The following CADM1 variants were observed in gnomAD, a reference collection of about 807,000 sequenced individuals.
CADM1 encodes the protein TSLC-1.
In CADM1, 15 loss-of-function variants were observed where a neutral mutation model predicts 53.1. That is an observed-to-expected ratio of 0.28 (90% CI 0.19 to 0.44). CADM1 has a LOEUF of 0.44. Ranked by LOEUF, CADM1 falls within the 20% of genes least tolerant of loss-of-function variation. The pLI is 1.00. For missense variants in CADM1, 434 were observed against 611.3 expected, an observed-to-expected ratio of 0.71 and a Z score of 3.06; for synonymous variants, 281 against 243.0, an observed-to-expected ratio of 1.16 and a Z score of -1.45.
At chr11:115,481,913 G>A (rs2135410971) in intron 1 of CADM1, among the ~76,000 whole-genome samples, 1 of 152,108 alleles carries the variant, frequency 6.6e-6, no homozygotes, top group East Asian at 1.9e-4. Flanking sequence ...GATTCGTCCT[G>A]CACCCTCCCG....
intron 1 of CADM1, among the ~76,000 whole-genome samples, chr11:115,300,982 G>A (rs893795170): frequency 4.0e-5 from 6 of 151,726 alleles, no homozygotes; most frequent in East Asian, 1.9e-4. Context: ...TGCCTCCACC[G>A]CCCCCCCACC....
At chr11:115,277,733 T>A (rs1020783273) in intron 1 of CADM1, among the ~76,000 whole-genome samples, 53 of 152,318 alleles carry the variant, frequency 3.5e-4, no homozygotes, top group African/African-American at 1.2e-3. Context: ...TGACTAGGCA[T>A]TTAGTATAGA....
At chr11:115,254,579 CACACACACACACACAG>C (rs1263727770) in intron 1 of CADM1, among the ~76,000 whole-genome samples, 2 of 149,398 alleles carry the variant, frequency 1.3e-5, no homozygotes, top group African/African-American at 2.5e-5. Context: ...CACACACACA[CACACACACACACACAG>C]AGACAACAAA....
chr11:115,400,160 A>C (rs991022483), intron 1 of CADM1, among the ~76,000 whole-genome samples: 2 of 152,186 alleles, frequency 1.3e-5, no homozygotes, highest in Non-Finnish European at 1.5e-5. Flanking sequence ...ATAAAAACTT[A>C]AACAAATTAA....
In CADM1 at chr11:115,173,681, T is replaced by A; in HGVS notation, c.*2793A>T. ...GAAGACAGATATTTTATAGTACTTC[T>A]TTTTTTTCTTTTTTTTTTTGTAAAA... On this transcript the variant is annotated 3_prime_UTR_variant, in exon 12 of 12. Coordinates refer to ENST00000331581, the MANE Select transcript of CADM1 (RefSeq NM_001301043.2). 2.0e-6 allele frequency: 1 copy of A among 504,220 alleles called. No individual in the cohort carries two copies. The highest frequency in any genetic ancestry group is 2.5e-6 in the Non-Finnish European group (1 of 405,416). The allele number at this position is 504,220 out of a possible 1,614,324, so 31.2% of individuals were successfully genotyped here.
At chr11:115,414,821 G>C (rs1392325404) in intron 1 of CADM1, among the ~76,000 whole-genome samples, 1 of 38,028 alleles carries the variant, frequency 2.6e-5, no homozygotes, top group African/African-American at 1.1e-4. Context: ...TAGTTTAAAT[G>C]TTGTTAAATA....
At chr11:115,247,913 C>T (rs1942458643) in intron 1 of CADM1, among the ~76,000 whole-genome samples, 1 of 152,120 alleles carries the variant, frequency 6.6e-6, no homozygotes, top group South Asian at 2.1e-4. Context: ...AAAACACTTA[C>T]TGGAAAGAAT....
intron 1 of CADM1, among the ~76,000 whole-genome samples, chr11:115,343,071 G>A (rs902581856): frequency 6.6e-6 from 1 of 152,114 alleles, no homozygotes; most frequent in African/African-American, 2.4e-5. Flanking sequence ...TAATGAAAAT[G>A]ATTATCTTGT....
intron 1 of CADM1, among the ~76,000 whole-genome samples, chr11:115,348,925 T>C (rs1015515071): frequency 6.5e-4 from 99 of 152,168 alleles, no homozygotes; most frequent in African/African-American, 2.2e-3. Context: ...AGTGCATGTA[T>C]TTATTGTCAC....
intron 1 of CADM1, among the ~76,000 whole-genome samples, chr11:115,265,539 C>T (rs888376593): frequency 4.6e-5 from 7 of 152,176 alleles, no homozygotes; most frequent in Non-Finnish European, 7.3e-5. Context: ...CATATTTTTA[C>T]GTGCTCCAGT....
At chr11:115,330,595 T>G (rs1329690647) in intron 1 of CADM1, among the ~76,000 whole-genome samples, 3 of 152,178 alleles carry the variant, frequency 2.0e-5, no homozygotes, top group Non-Finnish European at 2.9e-5. Flanking sequence ...ATGTGCTAAG[T>G]ACTATTCTGA....
intron 1 of CADM1, among the ~76,000 whole-genome samples, chr11:115,244,750 G>A (rs1942354329): frequency 6.6e-6 from 1 of 152,178 alleles, no homozygotes; most frequent in African/African-American, 2.4e-5. Flanking sequence ...TTTTTAAAGA[G>A]GGTTGTTTGC....
At chr11:115,430,870 G>A (rs931122567) in intron 1 of CADM1, among the ~76,000 whole-genome samples, 2 of 152,052 alleles carry the variant, frequency 1.3e-5, no homozygotes, top group East Asian at 1.9e-4. Flanking sequence ...ACTCATTTTC[G>A]ATATGAGAAA....
chr11:115,185,683 T>C (rs1276387765), intron 10 of CADM1, among the ~76,000 whole-genome samples: 1 of 152,240 alleles, frequency 6.6e-6, no homozygotes, highest in East Asian at 1.9e-4. Flanking sequence ...GAGTCCACTC[T>C]GTTCATCTCA....
rs116396052 is a variant in CADM1 at position 115,188,812 on chromosome 11, G to T, written c.1165+2076C>A. On this transcript the variant is annotated intron_variant, in intron 10 of 11. Transcript: ENST00000331581. Reference sequence around the variant, plus strand: ...TTCTCAATCAATATGCTCCCCTTCAGTGACCCATTTCAAGACAGCTTCATA... The same window carrying T: ...TTCTCAATCAATATGCTCCCCTTCATTGACCCATTTCAAGACAGCTTCATA... Among the ~76,000 whole-genome samples, 794 of 152,236 alleles carry T rather than the reference G, an allele frequency of 5.2e-3. 9 individuals are homozygous for T. Among genetic ancestry groups the T allele is most frequent in the African/African-American group, 0.018 (754 of 41,528 alleles).
chr11:115,329,885 C>T (rs1945087004), intron 1 of CADM1, among the ~76,000 whole-genome samples: 1 of 151,452 alleles, frequency 6.6e-6, no homozygotes, highest in Admixed American at 6.6e-5. Flanking sequence ...ATCTCCTCTC[C>T]AGCTATCCCC....
At chr11:115,235,509 G>A (rs1260058630) in intron 3 of CADM1, among the ~76,000 whole-genome samples, 3 of 152,168 alleles carry the variant, frequency 2.0e-5, no homozygotes, top group Non-Finnish European at 4.4e-5. Flanking sequence ...ATGAAAACCT[G>A]AATGAAAATC....
At chr11:115,323,340 A>T (rs1944874214) in intron 1 of CADM1, among the ~76,000 whole-genome samples, 1 of 152,178 alleles carries the variant, frequency 6.6e-6, no homozygotes, top group South Asian at 2.1e-4. Flanking sequence ...ATTTCCCAAC[A>T]AGCCACTGAT....
At chr11:115,356,971 A>T (rs961145114) in intron 1 of CADM1, among the ~76,000 whole-genome samples, 17 of 152,242 alleles carry the variant, frequency 1.1e-4, no homozygotes, top group African/African-American at 3.9e-4. Context: ...TAACATTACA[A>T]TGCAAACATT....
Sources: gnomAD v4.1 joint callset for allele counts (sites outside exome capture counted in the v4.1 genomes callset) on GRCh38, gnomAD v4.1.1 for gene constraint, MANE v1.5 for transcripts, NCBI Gene and HGNC (gene_info 2026-07-23, HGNC 2026-07-21) for gene names.